Variants in CHST9 observed in about 807,000 individuals in gnomAD.
CHST9 encodes carbohydrate sulfotransferase 9.
CHST9 carries 41 observed loss-of-function variants against 44.4 expected under a neutral mutation model. The observed-to-expected ratio is 0.92, with a 90% CI of 0.72 to 1.20. The LOEUF is 1.20. Ranked by LOEUF, CHST9 falls within the 50% of genes most tolerant of loss-of-function variation. CHST9 has a pLI of 0.00. For missense variants in CHST9, 504 were observed against 516.5 expected (o/e 0.98, Z 0.23); for synonymous variants, 171 against 178.4 (o/e 0.96, Z 0.33).
intron 4 of CHST9, among the ~76,000 whole-genome samples, chr18:26,996,262 C>CT (rs1332543958): frequency 6.2e-4 from 94 of 152,274 alleles, no homozygotes; most frequent in African/African-American, 2.1e-3. Context: ...AAGTCAGCAA[C>CT]ATTTTTTTTA....
At chr18:27,011,466 G>T (rs192356350) in intron 4 of CHST9, among the ~76,000 whole-genome samples, 51 of 152,192 alleles carry the variant, frequency 3.4e-4, no homozygotes, top group African/African-American at 1.2e-3. Flanking sequence ...CCATTCTCAG[G>T]CTGGGGAAAA....
intron 1 of CHST9, among the ~76,000 whole-genome samples, chr18:27,144,507 T>A (rs1476133570): frequency 6.6e-6 from 1 of 152,062 alleles, no homozygotes; most frequent in Admixed American, 6.6e-5. Flanking sequence ...GGTGAAACCC[T>A]GTCTCTACAA....
intron 2 of CHST9, among the ~76,000 whole-genome samples, chr18:27,086,340 A>T (rs557158983): frequency 6.6e-6 from 1 of 152,258 alleles, no homozygotes; most frequent in Non-Finnish European, 1.5e-5. Context: ...TTACAATTCA[A>T]GGGACTAAAA....
chr18:27,124,481 A>G (rs1177069932), intron 2 of CHST9, among the ~76,000 whole-genome samples: 1 of 152,214 alleles, frequency 6.6e-6, no homozygotes, highest in African/African-American at 2.4e-5. Context: ...AATCTAGTTG[A>G]GGCAAAAACA....
chr18:27,163,350 G>A (rs909286219), intron 1 of CHST9, among the ~76,000 whole-genome samples: 1 of 152,158 alleles, frequency 6.6e-6, no homozygotes, highest in African/African-American at 2.4e-5. Context: ...TGTCAGACAG[G>A]GACATTTAAG....
At chr18:27,166,857 C>A (rs2058794581) in intron 1 of CHST9, among the ~76,000 whole-genome samples, 1 of 152,014 alleles carries the variant, frequency 6.6e-6, no homozygotes, top group Non-Finnish European at 1.5e-5. Context: ...GGCACAGGAG[C>A]CTTCATAGGG....
intron 1 of CHST9, among the ~76,000 whole-genome samples, chr18:27,152,693 A>C (rs2058668267): frequency 6.6e-6 from 1 of 152,244 alleles, no homozygotes; most frequent in African/African-American, 2.4e-5. Flanking sequence ...TGTAAGGTAC[A>C]TCTGGACTCA....
At chr18:27,164,281 G>C (rs1295616774) in intron 1 of CHST9, among the ~76,000 whole-genome samples, 1 of 149,942 alleles carries the variant, frequency 6.7e-6, no homozygotes, top group African/African-American at 2.5e-5. Context: ...CACCAAAAAA[G>C]GAAAGGCCCT....
At chr18:27,151,910 T>C (rs969674724) in intron 1 of CHST9, among the ~76,000 whole-genome samples, 13 of 152,216 alleles carry the variant, frequency 8.5e-5, no homozygotes, top group African/African-American at 3.1e-4. Context: ...TAATCTGTTA[T>C]AGCAGCAAAG....
chr18:27,051,798 TAA>T (rs1251804963), intron 2 of CHST9, among the ~76,000 whole-genome samples: 2 of 152,226 alleles, frequency 1.3e-5, no homozygotes, highest in African/African-American at 4.8e-5. Flanking sequence ...AATCCTGAGA[TAA>T]GTGTTAAATA....
chr18:26,971,995 A>G (rs1307021747), intron 4 of CHST9, among the ~76,000 whole-genome samples: 3 of 152,190 alleles, frequency 2.0e-5, no homozygotes, highest in Admixed American at 6.5e-5. Context: ...GAAAAAAAGC[A>G]GAGTTTGGTG....
intron 4 of CHST9, among the ~76,000 whole-genome samples, chr18:26,948,234 C>T (rs2056193811): frequency 6.6e-6 from 1 of 152,096 alleles, no homozygotes. Flanking sequence ...ACATCACACA[C>T]TGAGGCCTTT....
At chr18:27,043,420 T>C (rs1470469164) in intron 3 of CHST9, among the ~76,000 whole-genome samples, 1 of 152,064 alleles carries the variant, frequency 6.6e-6, no homozygotes, top group Admixed American at 6.6e-5. Context: ...ACTTAATTTA[T>C]TATTTTCTCC....
rs59671204 is a variant in CHST9 at position 26,975,725 on chromosome 18, GTATATATATATATATATATATATA to G, written c.203-31383_203-31360del. The stretch of plus-strand genomic sequence containing the variant: ...TGTGTATATATGTGTGTGTGTGTGT[GTATATATATATATATATATATATA>G]TATATATATATATATAACATTTTCT... On this transcript the variant is annotated intron_variant, in intron 4 of 5. Coordinates refer to ENST00000618847, the MANE Select transcript of CHST9 (RefSeq NM_031422.6). Among the ~76,000 whole-genome samples the G allele has an allele frequency of 1.1e-3, 117 of 101,842 alleles. 1 individual carries two copies. Among genetic ancestry groups the G allele is most frequent in the African/African-American group, 2.3e-3 (64 of 27,304 alleles). The allele number at this position is 101,842 out of a possible 152,430, so 66.8% of individuals were successfully genotyped here.
chr18:27,116,436 G>T (rs1435272827), intron 2 of CHST9, among the ~76,000 whole-genome samples: 1 of 152,090 alleles, frequency 6.6e-6, no homozygotes, highest in South Asian at 2.1e-4. Flanking sequence ...TAAATATGAG[G>T]GTTGATTTCT....
At chr18:26,944,682 C>G (rs2056135878) in intron 4 of CHST9, among the ~76,000 whole-genome samples, 1 of 152,152 alleles carries the variant, frequency 6.6e-6, no homozygotes. Context: ...ATTTGAACAA[C>G]AGCCAGTCAA....
In CHST9 at chr18:26,909,032, G is replaced by T. The variant is rs1412634195; in HGVS notation, c.*7227C>A. 1.3e-5 allele frequency: 2 copies of T among 152,332 alleles called. No individual in the cohort carries two copies. Among genetic ancestry groups the T allele is most frequent in the Non-Finnish European group, 2.9e-5 (2 of 68,038 alleles). 9.4% of individuals were successfully genotyped at this position (152,332 alleles called of 1,614,324 possible). A position where few individuals can be genotyped will look rare whatever the true frequency, so the allele number is the denominator to read the frequency against. On this transcript the variant is annotated 3_prime_UTR_variant, in exon 6 of 6. Coordinates refer to ENST00000618847, the MANE Select transcript of CHST9 (RefSeq NM_031422.6). ...TCTTTTATATTTCAAACAGAGGAAA[G>T]TTTCCATTTCCCCATTTCATTCTGA...
At chr18:27,034,592 C>G (rs1272180373) in intron 3 of CHST9, among the ~76,000 whole-genome samples, 1 of 152,174 alleles carries the variant, frequency 6.6e-6, no homozygotes, top group African/African-American at 2.4e-5. Context: ...ACACGTTCAC[C>G]TTTGCTCACC....
chr18:27,158,469 G>A (rs533162180), intron 1 of CHST9, among the ~76,000 whole-genome samples: 2 of 150,804 alleles, frequency 1.3e-5, no homozygotes, highest in South Asian at 2.1e-4. Flanking sequence ...ATTCCATGGT[G>A]TATATGTACC....
Sources: gnomAD v4.1 joint callset for allele counts (sites outside exome capture counted in the v4.1 genomes callset) on GRCh38, gnomAD v4.1.1 for gene constraint, MANE v1.5 for transcripts, NCBI Gene and HGNC (gene_info 2026-07-23, HGNC 2026-07-21) for gene names.